The following RAP1A variants were observed in gnomAD, a reference collection of about 807,000 sequenced individuals.
RAP1A encodes the protein ras-related protein Rap-1A.
In RAP1A, 6 loss-of-function variants were observed where a neutral mutation model predicts 26.4. That is an observed-to-expected ratio of 0.23 (90% CI 0.12 to 0.45). The LOEUF is 0.45. Ranked by LOEUF, RAP1A falls within the 20% of genes least tolerant of loss-of-function variation. RAP1A has a pLI of 0.99. For synonymous variants in RAP1A, 73 were observed against 79.4 expected (o/e 0.92, Z 0.43); for missense variants, 121 against 217.2 (o/e 0.56, Z 2.78).
At chr1:111,641,626 GGTGTGTGC>G (rs1181038616) in intron 1 of RAP1A, among the ~76,000 whole-genome samples, 2 of 151,930 alleles carry the variant, frequency 1.3e-5, no homozygotes, top group Admixed American at 1.3e-4. Context: ...AGAAGGAAGG[GGTGTGTGC>G]GTGTGTGTGT....
intron 1 of RAP1A, among the ~76,000 whole-genome samples, chr1:111,578,874 C>T (rs924514528): frequency 6.6e-6 from 1 of 152,226 alleles, no homozygotes; most frequent in Non-Finnish European, 1.5e-5. Flanking sequence ...GAGATTCCCT[C>T]AACTTTCTGC....
chr1:111,561,594 AAC>A (rs1219592624), intron 1 of RAP1A, among the ~76,000 whole-genome samples: 4 of 152,196 alleles, frequency 2.6e-5, no homozygotes, highest in Admixed American at 2.0e-4. Flanking sequence ...GGTCAGGTCA[AAC>A]ACAGAGCAGA....
At chr1:111,547,287 G>T (rs965610550) in intron 1 of RAP1A, among the ~76,000 whole-genome samples, 5 of 151,932 alleles carry the variant, frequency 3.3e-5, no homozygotes, top group Middle Eastern at 3.4e-3. Flanking sequence ...GGTCTGGTGT[G>T]TTTTTAAATC....
rs1660147038 is a variant in RAP1A at position 111,648,433 on chromosome 1, G to C, written c.-28+28499G>C. 1.4e-5 allele frequency: 8 copies of C among 571,754 alleles called. No homozygotes were observed. The Admixed American group carries it at 1.6e-4, about 11-fold the overall frequency. 35.4% of individuals were successfully genotyped at this position (571,754 alleles called of 1,614,324 possible). ...TGAAGTCCTTGCCATCTTCCAGCAG[G>C]TGGTGGTAGGTGGCGATCTCAGCCT... is the stretch of plus-strand genomic sequence containing the variant. On this transcript the variant is annotated intron_variant, in intron 1 of 7. Transcript: ENST00000369709.
chr1:111,643,779 C>T (rs1037655616), intron 1 of RAP1A, among the ~76,000 whole-genome samples: 3 of 152,202 alleles, frequency 2.0e-5, no homozygotes, highest in Admixed American at 2.0e-4. Flanking sequence ...CAGATACCTA[C>T]AGAACCTATA....
At chr1:111,591,712 C>T (rs999896034) in intron 1 of RAP1A, among the ~76,000 whole-genome samples, 6 of 152,182 alleles carry the variant, frequency 3.9e-5, no homozygotes, top group Non-Finnish European at 8.8e-5. Flanking sequence ...GTCATGATGT[C>T]ACCAGAGACC....
At position 111,699,411 on chromosome 1, in the gene RAP1A, G is replaced by A. The variant is rs886110122; in HGVS notation, c.183+1914G>A. On this transcript the variant is annotated intron_variant, in intron 4 of 7. Coordinates refer to ENST00000369709, the MANE Select transcript of RAP1A (RefSeq NM_002884.4). The stretch of plus-strand genomic sequence containing the variant: ...AATACCTCTCTAATCTAATTTCCAA[G>A]CATCTTATCCTCCATTACTCACTAC... Among the ~76,000 whole-genome samples the A allele has an allele frequency of 2.0e-5, 3 of 150,200 alleles. No individual in the cohort carries two copies. In the East Asian group the frequency reaches 5.9e-4, roughly 29 times the overall value.
At chr1:111,629,275 A>G (rs1363062592) in intron 1 of RAP1A, among the ~76,000 whole-genome samples, 4 of 152,082 alleles carry the variant, frequency 2.6e-5, no homozygotes. Flanking sequence ...TCAGCCCTGA[A>G]TTTTCCTAAT....
At chr1:111,570,589 C>T (rs182396938) in intron 1 of RAP1A, among the ~76,000 whole-genome samples, 31 of 152,104 alleles carry the variant, frequency 2.0e-4, no homozygotes, top group East Asian at 7.7e-4. Flanking sequence ...ATACCTGAGA[C>T]GGGGTAATTT....
chr1:111,686,196 C>G (rs1416170816), intron 1 of RAP1A, among the ~76,000 whole-genome samples: 1 of 152,066 alleles, frequency 6.6e-6, no homozygotes, highest in Non-Finnish European at 1.5e-5. Context: ...ATGGGTGCAG[C>G]AAACCACCAT....
intron 1 of RAP1A, among the ~76,000 whole-genome samples, chr1:111,688,808 G>GTTTTTTTTTTTTTTT (rs753016302): frequency 8.1e-6 from 1 of 124,178 alleles, no homozygotes; most frequent in African/African-American, 2.8e-5. Flanking sequence ...TTTTGTTTTT[G>GTTTTTTTTTTTTTTT]TTTTTTTTTT....
At position 111,567,161 on chromosome 1, in the gene RAP1A, T is replaced by C. The variant is rs563892442; in HGVS notation, c.-28+24652T>C. Among the ~76,000 whole-genome samples the C allele has an allele frequency of 2.6e-5, 4 of 152,160 alleles. No homozygotes were observed. In the South Asian group the frequency reaches 8.3e-4, roughly 32 times the overall value. ...TCCACCATTTAAAGCAGGAGATAGA[T>C]AAATAGGTCATTGTAGAACTACATT... On this transcript the variant is annotated intron_variant, in intron 1 of 7. Coordinates refer to the RAP1A transcript ENST00000356415.
At chr1:111,641,887 C>G (rs1659902827) in intron 1 of RAP1A, among the ~76,000 whole-genome samples, 1 of 152,136 alleles carries the variant, frequency 6.6e-6, no homozygotes, top group Non-Finnish European at 1.5e-5. Context: ...TTAATCCTGG[C>G]TCCATAATTT....
intron 1 of RAP1A, among the ~76,000 whole-genome samples, chr1:111,629,636 T>C (rs943185518): frequency 6.6e-6 from 1 of 152,198 alleles, no homozygotes; most frequent in Non-Finnish European, 1.5e-5. Context: ...TTTATTCAAA[T>C]CTCTTCCCTT....
chr1:111,608,876 C>CGGGAGA (rs1012542246), intron 1 of RAP1A, among the ~76,000 whole-genome samples: 10 of 152,256 alleles, frequency 6.6e-5, no homozygotes, highest in East Asian at 1.9e-4. Context: ...GGCTCGGCAT[C>CGGGAGA]GGGAGAGGGA....
intron 1 of RAP1A, among the ~76,000 whole-genome samples, chr1:111,605,024 G>A (rs1658743294): frequency 6.6e-6 from 1 of 152,172 alleles, no homozygotes; most frequent in South Asian, 2.1e-4. Context: ...TTCTTGCCAG[G>A]CAGCAATTAG....
At chr1:111,648,967 C>T (rs1660169861) in intron 1 of RAP1A, 3 of 653,696 alleles carry the variant, frequency 4.6e-6, no homozygotes, top group Admixed American at 1.8e-5. Flanking sequence ...TCGTTGAGAG[C>T]CTCGATCTCT....
intron 1 of RAP1A, among the ~76,000 whole-genome samples, chr1:111,661,979 C>A (rs564860932): frequency 1.3e-5 from 2 of 152,158 alleles, no homozygotes; most frequent in South Asian, 4.1e-4. Flanking sequence ...ATCAAAGATT[C>A]CTTATTAAAC....
chr1:111,671,610 G>T (rs1294501844), intron 1 of RAP1A, among the ~76,000 whole-genome samples: 1 of 152,114 alleles, frequency 6.6e-6, no homozygotes, highest in Non-Finnish European at 1.5e-5. Flanking sequence ...GGGTAGCTGG[G>T]ATTACAGGCA....
Sources: gnomAD v4.1 joint callset for allele counts (sites outside exome capture counted in the v4.1 genomes callset) on GRCh38, gnomAD v4.1.1 for gene constraint, MANE v1.5 for transcripts, NCBI Gene and HGNC (gene_info 2026-07-23, HGNC 2026-07-21) for gene names.